The following RBL1 variants were observed in gnomAD, a reference collection of about 807,000 sequenced individuals.
RBL1 encodes the protein RB transcriptional corepressor like 1.
RBL1 carries 82 observed loss-of-function variants against 123.0 expected under a neutral mutation model. The observed-to-expected ratio is 0.67, with a 90% confidence interval of 0.56 to 0.80. RBL1 has a LOEUF of 0.80. Ranked by LOEUF, RBL1 falls within the 30% of genes least tolerant of loss-of-function variation. RBL1 has a pLI of 0.00. For synonymous variants in RBL1, 405 were observed against 441.3 expected (o/e 0.92, Z 1.03); for missense variants, 1,171 against 1,299.6 (o/e 0.90, Z 1.52).
chr20:37,055,685 G>A (rs2064992580), intron 10 of RBL1, 29 bp from the exon 11 acceptor site: 2 of 1,565,418 alleles, frequency 1.3e-6, no homozygotes, highest in African/African-American at 2.8e-5. Context: ...GAAAACATGT[G>A]TTAATGAATT....
At chr20:37,072,933 T>C (rs1218336337) in intron 2 of RBL1, among the ~76,000 whole-genome samples, 1 of 152,136 alleles carries the variant, frequency 6.6e-6, no homozygotes, top group Middle Eastern at 3.2e-3. Flanking sequence ...TTCTTTTAGG[T>C]CAGGCAAAGT....
At chr20:37,006,798 A>G (rs1247241330) in intron 20 of RBL1, among the ~76,000 whole-genome samples, 1 of 147,594 alleles carries the variant, frequency 6.8e-6, no homozygotes. Context: ...CTGAGATCGC[A>G]CCACTGCACG....
At chr20:37,020,786 G>C in intron 17 of RBL1, 56 bp from the exon 18 acceptor site, 8 of 1,194,266 alleles carry the variant, frequency 6.7e-6, no homozygotes, top group Non-Finnish European at 9.5e-6. Context: ...AAATGGCTCT[G>C]AACAAAACTT....
rs776595341 is a variant in RBL1 at position 37,003,866 on chromosome 20, T to C, written c.2872A>G (p.Met958Val). 3 of 1,592,884 alleles carry C rather than the reference T, an allele frequency of 1.9e-6. No homozygotes were observed. Among genetic ancestry groups the C allele is most frequent in the Non-Finnish European group, 2.6e-6 (3 of 1,172,084 alleles). The change falls in exon 21 of 22, where the codon ATG (methionine) becomes GTG (valine). Residue 958 changes from methionine (M) to valine (V), a missense_variant and splice_region_variant. By Grantham distance (21) the Met-to-Val change is conservative. Transcript: ENST00000373664. The stretch of plus-strand genomic sequence containing the variant: ...AAAGGAGAGAGTGGTGGAGCATCCA[T>C]CTAAAATAACCCAAAAGTCAGATTT... ...KYDLANQDHM[M>V]DAPPLSPFPH... is the part of the protein sequence containing the mutation.
intron 2 of RBL1, among the ~76,000 whole-genome samples, chr20:37,082,510 TCTA>T (rs1281935985): frequency 6.6e-6 from 1 of 151,962 alleles, no homozygotes; most frequent in Non-Finnish European, 1.5e-5. Flanking sequence ...TCTCTCTCTC[TCTA>T]GAGTTTACCC....
At chr20:37,016,792 T>C (rs2064260612) in intron 19 of RBL1, among the ~76,000 whole-genome samples, 1 of 151,400 alleles carries the variant, frequency 6.6e-6, no homozygotes, top group East Asian at 2.0e-4. Flanking sequence ...GGCACAAGAC[T>C]GAGATGAAAG....
chr20:37,035,534 C>CATT (rs746605351), intron 14 of RBL1, 26 bp from the exon 15 acceptor site: 2 of 1,487,412 alleles, frequency 1.3e-6, no homozygotes, highest in South Asian at 2.6e-5. Context: ...AAATTTAAAA[C>CATT]AGAAATGTAT....
chr20:37,049,519 A>T (rs913123066), intron 11 of RBL1: 2 of 755,784 alleles, frequency 2.6e-6, no homozygotes, highest in Non-Finnish European at 4.8e-6. Context: ...GAGTAAGCAC[A>T]AGAGAAAGAA....
At chr20:37,057,329 G>T (rs2065027166) in intron 9 of RBL1, among the ~76,000 whole-genome samples, 1 of 152,162 alleles carries the variant, frequency 6.6e-6, no homozygotes, top group East Asian at 1.9e-4. Flanking sequence ...CAGTGTGTAA[G>T]GGTCCCAATT....
chr20:37,058,144 A>C (rs8120662), intron 9 of RBL1, among the ~76,000 whole-genome samples: 17,549 of 125,112 alleles, frequency 0.14, 1,459 homozygotes, highest in African/African-American at 0.18. Flanking sequence ...ACAAAACAAA[A>C]AAAAAAAAGC....
At chr20:37,044,374 G>A in intron 12 of RBL1, 124 bp from the exon 13 acceptor site, 2 of 950,202 alleles carry the variant, frequency 2.1e-6, no homozygotes, top group Non-Finnish European at 3.1e-6. Context: ...GTTTCCCTCT[G>A]TTGCCCAGGC....
At chr20:37,058,756 TG>T (rs2065051711) in intron 9 of RBL1, among the ~76,000 whole-genome samples, 1 of 151,776 alleles carries the variant, frequency 6.6e-6, no homozygotes, top group Non-Finnish European at 1.5e-5. Context: ...CAAACACAGA[TG>T]TCTTTCCTTT....
rs563222562 is a variant in RBL1 at position 37,004,302 on chromosome 20, G to A, written c.2872-436C>T. ...TGACCATGTTGGCCAGGCTGGTCTC[G>A]AACTCCTGACCTCAGGTGATCCACC... On this transcript the variant is annotated intron_variant, in intron 20 of 21. Coordinates refer to ENST00000373664, the MANE Select transcript of RBL1 (RefSeq NM_002895.5). 2.0e-4 allele frequency among the ~76,000 whole-genome samples: 30 copies of A among 151,320 alleles called. No individual in the cohort carries two copies. In the East Asian group the frequency reaches 4.7e-3, roughly 24 times the overall value.
At chr20:37,074,618 G>A (rs1163392332) in intron 2 of RBL1, among the ~76,000 whole-genome samples, 3 of 152,170 alleles carry the variant, frequency 2.0e-5, no homozygotes, top group East Asian at 3.9e-4. Context: ...TGGTGGGGAC[G>A]TAAACTGGTA....
At chr20:37,013,169 T>G (rs759232465) in intron 19 of RBL1, among the ~76,000 whole-genome samples, 1 of 151,822 alleles carries the variant, frequency 6.6e-6, no homozygotes, top group Non-Finnish European at 1.5e-5. Flanking sequence ...GGGAAAAGAT[T>G]TGAGAAATCG....
Position 37,035,308 on chromosome 20 carries a change from G to C in RBL1, c.2104C>G (p.Leu702Val). 6.2e-7 allele frequency: 1 copy of C among 1,614,018 alleles called. No homozygotes were observed. The highest frequency in any genetic ancestry group is 8.5e-7 in the Non-Finnish European group (1 of 1,179,884). Residue 702 changes from leucine (L) to valine (V), a missense_variant, in exon 15 of 22, where the codon CTT (leucine) becomes GTT (valine). Physicochemically the swap from Leu to Val is conservative, Grantham distance 32 (BLOSUM62 1). Transcript: ENST00000373664. Reference sequence around the variant, plus strand: ...ACTGGGGCTGTGGCCATTGTTAGAAGAGTTTGACCAGGTAAAATTGATACA... The same window carrying C: ...ACTGGGGCTGTGGCCATTGTTAGAACAGTTTGACCAGGTAAAATTGATACA... ...ENVSILPGQT[L>V]LTMATAPVTG...
chr20:37,003,884 T>A lies in RBL1; in HGVS notation c.2872-18A>T. The A allele has an allele frequency of 1.9e-6, 3 of 1,573,684 alleles. No homozygotes were observed. Among genetic ancestry groups the A allele is most frequent in the Non-Finnish European group, 2.6e-6 (3 of 1,162,480 alleles). ...GCATCCATCTAAAATAACCCAAAAG[T>A]CAGATTTTTTAGATAAAAGTTTTTC... On this transcript the variant is annotated intron_variant, in intron 20 of 21. Coordinates refer to ENST00000373664, the MANE Select transcript of RBL1 (RefSeq NM_002895.5).
chr20:37,040,287 T>A lies in RBL1; in HGVS notation c.1771-2A>T. 6.2e-7 allele frequency: 1 copy of A among 1,611,320 alleles called. No homozygotes were observed. The highest frequency in any genetic ancestry group is 1.1e-5 in the South Asian group (1 of 90,112). On this transcript the variant is annotated splice_acceptor_variant, in intron 13 of 21. Coordinates refer to ENST00000373664, the MANE Select transcript of RBL1 (RefSeq NM_002895.5). LOFTEE classifies it high-confidence loss of function. Reference sequence around the variant, plus strand: ...TTCAAAGTTATTTGGGAATATAACCTGTAGAAAACAAAAACCCTTTGATTT... The same window carrying A: ...TTCAAAGTTATTTGGGAATATAACCAGTAGAAAACAAAAACCCTTTGATTT...
intron 11 of RBL1, among the ~76,000 whole-genome samples, chr20:37,047,433 A>G (rs934960209): frequency 6.6e-6 from 1 of 152,206 alleles, no homozygotes; most frequent in Admixed American, 6.5e-5. Flanking sequence ...TGAACAAATA[A>G]TAAAAGTCAG....
Sources: allele counts gnomAD v4.1 joint callset (sites outside exome capture counted in the v4.1 genomes callset), GRCh38; gene constraint gnomAD v4.1.1; transcripts MANE v1.5; gene names NCBI Gene and HGNC (gene_info 2026-07-23, HGNC 2026-07-21).